Variants in ZNF365 observed in about 807,000 individuals in gnomAD.
ZNF365 encodes zinc finger protein 365, also known as protein ZNF365.
Under a neutral mutation model 35.0 loss-of-function variants are expected in ZNF365, and 22 were observed. That is an observed-to-expected ratio of 0.63 (90% confidence interval 0.45 to 0.90). ZNF365 has a LOEUF of 0.90. Ranked by LOEUF, ZNF365 falls within the 40% of genes least tolerant of loss-of-function variation. The pLI, the probability that ZNF365 is intolerant of heterozygous loss-of-function variation, is 0.00. For missense variants in ZNF365, 448 were observed against 500.3 expected, an observed-to-expected ratio of 0.90 and a Z score of 1.00; for synonymous variants, 188 against 196.2, an observed-to-expected ratio of 0.96 and a Z score of 0.35.
Position 62,480,069 on chromosome 10 carries a change from T to C in ZNF365, c.*173T>C. 2.2e-6 allele frequency: 3 copies of C among 1,336,504 alleles called. No individual in the cohort carries two copies. In the South Asian group the frequency reaches 4.6e-5, roughly 21 times the overall value. 82.8% of individuals were successfully genotyped at this position (1,336,504 alleles called of 1,614,324 possible). A position where few individuals can be genotyped will look rare whatever the true frequency, so the allele number is the denominator to read the frequency against. On this transcript the variant is annotated 3_prime_UTR_variant, in exon 5 of 5. Transcript: ENST00000395255. ...GTGACTTTACTCACCAGGAGTGGGTTCAGACTCCTGATGGATGAGCTCCAG... is the reference window on the plus strand; with the variant it reads ...GTGACTTTACTCACCAGGAGTGGGTCCAGACTCCTGATGGATGAGCTCCAG...
intron 3 of ZNF365, among the ~76,000 whole-genome samples, chr10:62,453,379 G>C (rs1487455264): frequency 6.6e-6 from 1 of 152,186 alleles, no homozygotes; most frequent in Non-Finnish European, 1.5e-5. Flanking sequence ...GACAGAACAG[G>C]CTGTATTTGT....
intron 3 of ZNF365, among the ~76,000 whole-genome samples, chr10:62,443,027 G>A (rs1840527286): frequency 6.6e-6 from 1 of 152,170 alleles, no homozygotes; most frequent in African/African-American, 2.4e-5. Flanking sequence ...CCCTGCAAGG[G>A]CTCAACCGGG....
chr10:62,474,681 C>G (rs1282730486), intron 4 of ZNF365, among the ~76,000 whole-genome samples: 2 of 152,192 alleles, frequency 1.3e-5, no homozygotes, highest in Non-Finnish European at 2.9e-5. Context: ...CAGATCTCTT[C>G]TGAGCTTCAG....
intron 3 of ZNF365, among the ~76,000 whole-genome samples, chr10:62,445,764 G>A (rs1237907397): frequency 6.6e-6 from 1 of 152,142 alleles, no homozygotes; most frequent in Non-Finnish European, 1.5e-5. Context: ...AAGATTCTAA[G>A]TTGAGAACCA....
chr10:62,466,611 A>G (rs778927682), intron 4 of ZNF365, among the ~76,000 whole-genome samples: 7 of 152,116 alleles, frequency 4.6e-5, no homozygotes, highest in Non-Finnish European at 1.0e-4. Flanking sequence ...GCATTCTGTG[A>G]CAATGGTGCA....
chr10:62,393,141 A>C (rs1839664158), intron 3 of ZNF365, among the ~76,000 whole-genome samples: 1 of 152,044 alleles, frequency 6.6e-6, no homozygotes, highest in Admixed American at 6.6e-5. Flanking sequence ...CAGAGGCTAT[A>C]GCGCGTACTG....
downstream of ZNF365, among the ~76,000 whole-genome samples, chr10:62,406,799 C>T (rs755317497): frequency 6.6e-6 from 1 of 152,162 alleles, no homozygotes; most frequent in African/African-American, 2.4e-5. Context: ...GCCAGTCTGT[C>T]TCCCATTTTA....
chr10:62,442,528 G>A (rs1426502224), intron 3 of ZNF365, among the ~76,000 whole-genome samples: 2 of 152,192 alleles, frequency 1.3e-5, no homozygotes, highest in Non-Finnish European at 2.9e-5. Context: ...GTGCTGAAAC[G>A]ATGGCTTCAT....
chr10:62,391,403 C>G (rs1839626539), intron 3 of ZNF365, among the ~76,000 whole-genome samples: 1 of 152,056 alleles, frequency 6.6e-6, no homozygotes, highest in South Asian at 2.1e-4. Flanking sequence ...CCTCCTCCAC[C>G]CCCTCCCCCG....
At chr10:62,428,681 T>C (rs1359618351) in intron 3 of ZNF365, among the ~76,000 whole-genome samples, 9 of 152,166 alleles carry the variant, frequency 5.9e-5, no homozygotes, top group Non-Finnish European at 8.8e-5. Context: ...CACTGAGGCA[T>C]CTAAGGCTGG....
At chr10:62,448,143 A>T (rs1252696118) in intron 3 of ZNF365, among the ~76,000 whole-genome samples, 1 of 152,140 alleles carries the variant, frequency 6.6e-6, no homozygotes, top group Non-Finnish European at 1.5e-5. Context: ...CATCTCCATA[A>T]ATGTTTCAGC....
At chr10:62,413,143 G>A (rs1046566172) in intron 3 of ZNF365, among the ~76,000 whole-genome samples, 3 of 152,088 alleles carry the variant, frequency 2.0e-5, no homozygotes, top group Non-Finnish European at 4.4e-5. Flanking sequence ...GGCATCTGAT[G>A]TTTTCTATTA....
intron 3 of ZNF365, among the ~76,000 whole-genome samples, chr10:62,389,001 C>G (rs1405594588): frequency 6.6e-6 from 1 of 151,826 alleles, no homozygotes; most frequent in Non-Finnish European, 1.5e-5. Context: ...CATTTTTTTC[C>G]TTAATGGGGG....
intron 3 of ZNF365, chr10:62,459,705 C>G: frequency 6.3e-7 from 1 of 1,590,132 alleles, no homozygotes; most frequent in Non-Finnish European, 8.6e-7. Context: ...CACACTAGCT[C>G]CATTCATGAT....
intron 4 of ZNF365, among the ~76,000 whole-genome samples, chr10:62,469,524 G>T (rs529811162): frequency 1.3e-5 from 2 of 152,284 alleles, no homozygotes; most frequent in African/African-American, 4.8e-5. Context: ...CCTTGAATTT[G>T]ATGGAGCTTG....
chr10:62,474,953 A>G (rs1375238401), intron 4 of ZNF365, among the ~76,000 whole-genome samples: 4 of 151,978 alleles, frequency 2.6e-5, no homozygotes, highest in East Asian at 3.9e-4. Flanking sequence ...TTCCAACCCT[A>G]CTTCTTTACT....
chr10:62,438,966 T>A (rs1840450954), intron 3 of ZNF365, among the ~76,000 whole-genome samples: 1 of 152,218 alleles, frequency 6.6e-6, no homozygotes, highest in South Asian at 2.1e-4. Flanking sequence ...CTAGAGTGCT[T>A]CTTGAGAAAT....
intron 4 of ZNF365, among the ~76,000 whole-genome samples, chr10:62,463,998 G>A (rs16917270): frequency 0.21 from 31,591 of 152,004 alleles, 4,654 homozygotes; most frequent in African/African-American, 0.42. Flanking sequence ...GGAGCCAGGT[G>A]GACATTATCA....
chr10:62,385,122 T>C (rs570835146), intron 2 of ZNF365, among the ~76,000 whole-genome samples: 1 of 152,326 alleles, frequency 6.6e-6, no homozygotes, highest in South Asian at 2.1e-4. Context: ...GTTTAACCTG[T>C]CTTTTAAAAC....
Sources: gnomAD v4.1 joint callset for allele counts (sites outside exome capture counted in the v4.1 genomes callset) on GRCh38, gnomAD v4.1.1 for gene constraint, MANE v1.5 for transcripts, NCBI Gene and HGNC (gene_info 2026-07-23, HGNC 2026-07-21) for gene names.